PRSS57: variants seen among roughly 807,000 people sequenced by gnomAD.
PRSS57 encodes neutrophil serine protease 4.
PRSS57 carries 19 observed loss-of-function variants against 20.6 expected under a neutral mutation model. The ratio of observed to expected loss-of-function variants is 0.92; its 90% confidence interval spans 0.64 to 1.35. The LOEUF (loss-of-function observed/expected upper bound fraction) is 1.35, where lower values mean the gene tolerates loss of function less well. Ranked by LOEUF, PRSS57 falls within the 40% of genes most tolerant of loss-of-function variation. The probability of loss-of-function intolerance (pLI) is 0.00; values close to 1 mark genes in which losing one functional copy is unlikely to be tolerated. For missense variants in PRSS57, 440 were observed against 403.7 expected (o/e 1.09, Z -0.77); for synonymous variants, 203 against 176.6 (o/e 1.15, Z -1.19).
At chr19:695,001 C>T (rs367768095) in intron 1 of PRSS57, 34 bp from the exon 2 acceptor site, 45 of 1,483,266 alleles carry the variant, frequency 3.0e-5, no homozygotes, top group East Asian at 1.7e-4. Flanking sequence ...AGGGACGAGG[C>T]GGGAGGAACG....
At chr19:687,971 A>G (rs530618156) in intron 3 of PRSS57, among the ~76,000 whole-genome samples, 1 of 152,312 alleles carries the variant, frequency 6.6e-6, no homozygotes, top group South Asian at 2.1e-4. Flanking sequence ...AAGTCTTCCC[A>G]GACTCCCAGG....
chr19:691,876 G>C lies in PRSS57; in HGVS notation c.360C>G (p.Asn120Lys). 3 of 1,334,646 alleles carry C rather than the reference G, an allele frequency of 2.2e-6. No individual in the cohort carries two copies. Among genetic ancestry groups the C allele is most frequent in the Non-Finnish European group, 2.9e-6 (3 of 1,033,046 alleles). 82.7% of individuals were successfully genotyped at this position (1,334,646 alleles called of 1,614,324 possible). A position where few individuals can be genotyped will look rare whatever the true frequency, so the allele number is the denominator to read the frequency against. ...GGCTCACCCGCAGCAGGCAGATGTC[G>C]TTGGCGTGGGTCATGGGGTGGTAGT... ...HPDYHPMTHANDICLLRLNGS... is the reference protein window; with the variant it reads ...HPDYHPMTHAKDICLLRLNGS... The change falls in exon 3 of 5, where the codon AAC (asparagine) becomes AAG (lysine). Residue 120 changes from asparagine (N) to lysine (K), a missense_variant. Coordinates refer to ENST00000329267, the MANE Select transcript of PRSS57 (RefSeq NM_001308209.2).
chr19:689,613 C>T (rs2031581250), intron 3 of PRSS57, among the ~76,000 whole-genome samples: 1 of 152,116 alleles, frequency 6.6e-6, no homozygotes, highest in South Asian at 2.1e-4. Flanking sequence ...ACCTGACGTC[C>T]AACTGTCTTT....
intron 3 of PRSS57, chr19:690,608 T>C: frequency 1.6e-5 from 4 of 250,562 alleles, no homozygotes; most frequent in Non-Finnish European, 1.6e-5. Flanking sequence ...CCTGAGGGCC[T>C]CTCTCCAGGA....
intron 2 of PRSS57, among the ~76,000 whole-genome samples, chr19:693,896 C>T (rs909925256): frequency 1.3e-5 from 2 of 152,158 alleles, no homozygotes; most frequent in African/African-American, 2.4e-5. Flanking sequence ...CCTGCCACCA[C>T]ATCCGGCTAA....
At chr19:686,162 C>T (rs12609520) in intron 4 of PRSS57, among the ~76,000 whole-genome samples, 59,953 of 151,828 alleles carry the variant, frequency 0.39, 12,523 homozygotes, top group African/African-American at 0.51. Flanking sequence ...TCCTGCCCTG[C>T]GCTGGATGCT....
chr19:686,663 T>G (rs140143927), intron 4 of PRSS57, among the ~76,000 whole-genome samples: 293 of 152,264 alleles, frequency 1.9e-3, no homozygotes, highest in Non-Finnish European at 2.9e-3. Flanking sequence ...CTGCTTCCTC[T>G]CAATCTGTTA....
intron 2 of PRSS57, among the ~76,000 whole-genome samples, chr19:694,482 C>A (rs1036777921): frequency 2.7e-5 from 4 of 150,200 alleles, no homozygotes; most frequent in African/African-American, 9.9e-5. Flanking sequence ...GCAGGAGAAT[C>A]GCTTGAGCCC....
In PRSS57 at chr19:687,089, C is replaced by T. The variant is rs1268757285; in HGVS notation, c.478G>A (p.Gly160Ser). 1 of 1,613,836 alleles carries T rather than the reference C, an allele frequency of 6.2e-7. No homozygotes were observed. The highest frequency in any genetic ancestry group is 8.5e-7 in the Non-Finnish European group (1 of 1,179,976). The change falls in exon 4 of 5, where the codon GGC becomes AGC. Residue 160 changes from glycine to serine, a missense_variant. Transcript: ENST00000329267. Reference sequence around the variant, plus strand: ...TCAAAGTCAGACACGAAGCCCCAGCCAGCCACCCGGCACCGTGTCCCCGCT... The same window carrying T: ...TCAAAGTCAGACACGAAGCCCCAGCTAGCCACCCGGCACCGTGTCCCCGCT... Reference protein sequence around the residue: ...PTAGTRCRVAGWGFVSDFEEL... With the variant: ...PTAGTRCRVASWGFVSDFEEL...
intron 3 of PRSS57, among the ~76,000 whole-genome samples, chr19:691,586 G>A (rs186421859): frequency 2.0e-5 from 3 of 151,642 alleles, no homozygotes; most frequent in Admixed American, 2.0e-4. Context: ...TTGGGAGGCC[G>A]AGGCAGGTGG....
chr19:690,758 A>G (rs1050738990), intron 3 of PRSS57: 5 of 360,832 alleles, frequency 1.4e-5, no homozygotes, highest in African/African-American at 2.2e-5. Flanking sequence ...AGCCACTGCC[A>G]TCATCGGGGC....
At position 685,830 on chromosome 19, in the gene PRSS57, G is replaced by A. The variant is rs775513573; in HGVS notation, c.735C>T (p.Asp245=). The A allele has an allele frequency of 1.2e-5, 19 of 1,564,478 alleles. No individual in the cohort carries two copies. Among genetic ancestry groups the A allele is most frequent in the African/African-American group, 6.8e-5 (5 of 73,686 alleles). ...GLWCGDPKTP[D]VYTQVSAFVA... ...CAAAGGCGGACACCTGCGTGTACAC[G>A]TCGGGGGTCTTGGGGTCGCCGCACC... The change falls in exon 5 of 5, where the codon GAC becomes GAT. Residue 245 remains aspartate, a synonymous_variant. Coordinates refer to ENST00000329267, the MANE Select transcript of PRSS57 (RefSeq NM_001308209.2).
At chr19:688,367 G>T (rs866005020) in intron 3 of PRSS57, among the ~76,000 whole-genome samples, 6 of 143,990 alleles carry the variant, frequency 4.2e-5, no homozygotes, top group Non-Finnish European at 7.5e-5. Flanking sequence ...TTTTTTCAGA[G>T]TCTTGCTCTG....
At chr19:692,637 G>A (rs973340937) in intron 2 of PRSS57, among the ~76,000 whole-genome samples, 4 of 151,500 alleles carry the variant, frequency 2.6e-5, no homozygotes, top group African/African-American at 4.8e-5. Context: ...GGCTGGTCTC[G>A]AACTCCTGAC....
At chr19:692,753 G>A (rs530166339) in intron 2 of PRSS57, among the ~76,000 whole-genome samples, 2 of 151,608 alleles carry the variant, frequency 1.3e-5, no homozygotes, top group Non-Finnish European at 2.9e-5. Flanking sequence ...TAATAATTAT[G>A]TTTATTATTT....
chr19:687,233 C>T lies in PRSS57; in HGVS notation c.379-45G>A, dbSNP rs367995963. ...TCAGGCCACTGGGCTCCCTCCCCAC[C>T]CCCGCTCCTGCCTCAGTTTATCCAT... On this transcript the variant is annotated intron_variant, in intron 3 of 4. Transcript: ENST00000329267. 129 of 1,445,482 alleles carry T rather than the reference C, an allele frequency of 8.9e-5. 1 individual carries two copies. The African/African-American group carries it at 1.7e-3, about 19-fold the overall frequency. 89.5% of individuals were successfully genotyped at this position (1,445,482 alleles called of 1,614,324 possible). A position where few individuals can be genotyped will look rare whatever the true frequency, so the allele number is the denominator to read the frequency against.
Position 690,828 on chromosome 19 carries a change from T to A in PRSS57, c.378+1030A>T, listed in dbSNP as rs58895252. On this transcript the variant is annotated intron_variant, in intron 3 of 4. Transcript: ENST00000329267. ...CACAGAGGCTACTGGGGGAACAAGATCGGCAAGCCCTACACCGTCCCTGGC... is the reference window on the plus strand; with the variant it reads ...CACAGAGGCTACTGGGGGAACAAGAACGGCAAGCCCTACACCGTCCCTGGC... 2.5e-3 allele frequency: 849 copies of A among 336,318 alleles called. 5 individuals are homozygous for A. The highest frequency in any genetic ancestry group is 0.017 in the African/African-American group (778 of 45,678). The allele number at this position is 336,318 out of a possible 1,614,324, so 20.8% of individuals were successfully genotyped here.
At chr19:686,065 C>G (rs2031467006) in intron 4 of PRSS57, 143 bp from the exon 5 acceptor site, 1 of 764,346 alleles carries the variant, frequency 1.3e-6, no homozygotes, top group Admixed American at 2.8e-5. Context: ...CCTCCAGGCC[C>G]TGAGGACCCA....
At chr19:689,065 G>C (rs975465705) in intron 3 of PRSS57, among the ~76,000 whole-genome samples, 2 of 151,338 alleles carry the variant, frequency 1.3e-5, no homozygotes, top group Non-Finnish European at 2.9e-5. Flanking sequence ...ATGAGGAAGC[G>C]GGTGGTCCAG....
Sources: allele counts gnomAD v4.1 joint callset (sites outside exome capture counted in the v4.1 genomes callset), GRCh38; gene constraint gnomAD v4.1.1; transcripts MANE v1.5; gene names NCBI Gene and HGNC (gene_info 2026-07-23, HGNC 2026-07-21).